CCT4: variants seen among roughly 807,000 people sequenced by gnomAD.
CCT4 encodes the protein T-complex protein 1 subunit delta.
CCT4 carries 17 observed loss-of-function variants against 62.5 expected under a neutral mutation model. The ratio of observed to expected loss-of-function variants is 0.27; its 90% CI spans 0.19 to 0.41. The LOEUF (loss-of-function observed/expected upper bound fraction) is 0.41, where lower values mean the gene tolerates loss of function less well. Ranked by LOEUF, CCT4 falls within the 10% of genes least tolerant of loss-of-function variation. The pLI, the probability that CCT4 is intolerant of heterozygous loss-of-function variation, is 1.00. For synonymous variants in CCT4, 250 were observed against 229.9 expected, an observed-to-expected ratio of 1.09 and a Z score of -0.79; for missense variants, 592 against 659.2, an observed-to-expected ratio of 0.90 and a Z score of 1.12.
chr2:61,872,940 A>C (rs764058960), intron 10 of CCT4, 62 bp downstream of exon 10: 4 of 982,880 alleles, frequency 4.1e-6, no homozygotes, highest in Admixed American at 2.0e-5. Flanking sequence ...AAAAGAAAAA[A>C]AACAACCTAA....
chr2:61,884,027 G>A (rs189707591), intron 2 of CCT4, among the ~76,000 whole-genome samples: 9 of 152,088 alleles, frequency 5.9e-5, no homozygotes, highest in African/African-American at 9.6e-5. Flanking sequence ...TATCCAGAGC[G>A]GAGAATAATC....
chr2:61,868,903 G>A, intron 13 of CCT4, 197 bp from the exon 14 acceptor site: 1 of 514,910 alleles, frequency 1.9e-6, no homozygotes, highest in South Asian at 2.1e-5. Context: ...TTGGGAGGCT[G>A]AGGCAGGTGG....
At chr2:61,886,822 C>T (rs1182641999) in intron 1 of CCT4, among the ~76,000 whole-genome samples, 1 of 151,586 alleles carries the variant, frequency 6.6e-6, no homozygotes, top group Non-Finnish European at 1.5e-5. Flanking sequence ...TGCAATGGCG[C>T]GACGTCAGTT....
At chr2:61,880,516 C>G in intron 3 of CCT4, 122 bp from the exon 4 acceptor site, 1 of 657,096 alleles carries the variant, frequency 1.5e-6, no homozygotes, top group Non-Finnish European at 2.7e-6. Context: ...TTCCTGATTT[C>G]TTCTGATTTG....
At chr2:61,880,521 G>T in intron 3 of CCT4, 127 bp from the exon 4 acceptor site, 3 of 646,524 alleles carry the variant, frequency 4.6e-6, no homozygotes, top group Non-Finnish European at 8.1e-6. Context: ...GATTTCTTCT[G>T]ATTTGTTGTC....
At chr2:61,882,590 A>T (rs958325863) in intron 3 of CCT4, among the ~76,000 whole-genome samples, 14 of 151,472 alleles carry the variant, frequency 9.2e-5, no homozygotes, top group African/African-American at 3.4e-4. Flanking sequence ...ATCACAGCTC[A>T]CTACCTCCCC....
rs372193660 is a variant in CCT4, at chr2:61,880,411, T to C, written c.271-17A>G. The C allele has an allele frequency of 2.8e-6, 4 of 1,420,930 alleles. No individual in the cohort carries two copies. The highest frequency in any genetic ancestry group is 3.9e-6 in the Non-Finnish European group (4 of 1,016,282). The allele number at this position is 1,420,930 out of a possible 1,614,324, so 88.0% of individuals were successfully genotyped here. On this transcript the variant is annotated splice_polypyrimidine_tract_variant and intron_variant, in intron 3 of 13. Coordinates refer to ENST00000394440, the MANE Select transcript of CCT4 (RefSeq NM_006430.4). ...CTCCACCAGCTAAGTGAACAGAAAATGCCAAGTTGCTCAATGAGAAATGAC... is the reference window on the plus strand; with the variant it reads ...CTCCACCAGCTAAGTGAACAGAAAACGCCAAGTTGCTCAATGAGAAATGAC...
At position 61,872,207 on chromosome 2, in the gene CCT4, C is replaced by T; in HGVS notation, c.1366G>A (p.Asp456Asn). The change falls in exon 12 of 14, where the codon GAT (aspartate) becomes AAT (asparagine). Residue 456 changes from aspartate (D) to asparagine (N), a missense_variant. Physicochemically the swap from Asp to Asn is conservative, Grantham distance 23. Transcript: ENST00000394440. ...MESYCVRAFA[D>N]AMEVIPSTLA... Reference sequence around the variant, plus strand: ...GTAGATGGAATGACCTCCATAGCATCTGCAAAAGCACGAACGCAGTAGGAT... The same window carrying T: ...GTAGATGGAATGACCTCCATAGCATTTGCAAAAGCACGAACGCAGTAGGAT... The T allele has an allele frequency of 1.2e-6, 2 of 1,613,890 alleles. No individual in the cohort carries two copies. The highest frequency in any genetic ancestry group is 1.7e-6 in the Non-Finnish European group (2 of 1,179,882).
chr2:61,873,302 C>T lies in CCT4; in HGVS notation c.918-9G>A, dbSNP rs765903878. On this transcript the variant is annotated splice_polypyrimidine_tract_variant and intron_variant, in intron 8 of 13. Coordinates refer to ENST00000394440, the MANE Select transcript of CCT4 (RefSeq NM_006430.4). ...GATCACTAAGAGCATCTCTAAAATA[C>T]AAAATCAGTGATTATGTCAATGCTA... 9.6e-6 allele frequency: 14 copies of T among 1,455,838 alleles called. No individual in the cohort carries two copies. The highest frequency in any genetic ancestry group is 1.2e-5 in the Non-Finnish European group (13 of 1,041,106). The allele number at this position is 1,455,838 out of a possible 1,614,324, so 90.2% of individuals were successfully genotyped here.
At chr2:61,886,003 T>G (rs1290072640) in intron 1 of CCT4, 1 of 152,212 alleles carries the variant, frequency 6.6e-6, no homozygotes, top group Non-Finnish European at 1.5e-5. Flanking sequence ...GTATGTAATC[T>G]CTGAGAGCAA....
At chr2:61,869,947 T>C (rs994926433) in intron 12 of CCT4, among the ~76,000 whole-genome samples, 1 of 150,682 alleles carries the variant, frequency 6.6e-6, no homozygotes, top group Non-Finnish European at 1.5e-5. Flanking sequence ...TTTTTAAATA[T>C]TGGCAAAATT....
At chr2:61,876,058 T>C (rs1398948525) in intron 8 of CCT4, 37 bp downstream of exon 8, 6 of 1,429,200 alleles carry the variant, frequency 4.2e-6, no homozygotes, top group Non-Finnish European at 5.8e-6. Flanking sequence ...GATCCAAAAT[T>C]ATCATTAAGG....
At position 61,888,564 on chromosome 2, in the gene CCT4, GC is replaced by G; in HGVS notation, c.-58del. On this transcript the variant is annotated 5_prime_UTR_variant, in exon 1 of 14. Transcript: ENST00000394440. ...GAAGGACGGATGGACCCGGATTCTGGCCGGCCGCAGTGTAATAACGGTAAGC... is the reference window on the plus strand; with the variant it reads ...GAAGGACGGATGGACCCGGATTCTGGCGGCCGCAGTGTAATAACGGTAAGC... 6.3e-7 allele frequency: 1 copy of G among 1,579,452 alleles called. No individual in the cohort carries two copies. The highest frequency in any genetic ancestry group is 1.1e-5 in the South Asian group (1 of 88,214).
At position 61,883,528 on chromosome 2, in the gene CCT4, A is replaced by G. The variant is rs773225345; in HGVS notation, c.201T>C (p.Asp67=). 3.8e-6 allele frequency: 6 copies of G among 1,590,536 alleles called. No individual in the cohort carries two copies. In the South Asian group the frequency reaches 4.6e-5, roughly 12 times the overall value. ...MDKMIQDGKG[D]VTITNDGATI... Reference sequence around the variant, plus strand: ...TAGCACCATCATTTGTAATGGTTACATCACCTTTTCCATCTTGAATCTAGA... The same window carrying G: ...TAGCACCATCATTTGTAATGGTTACGTCACCTTTTCCATCTTGAATCTAGA... Residue 67 remains aspartate (D), a synonymous_variant, in exon 3 of 14, where the codon GAT becomes GAC. Coordinates refer to ENST00000394440, the MANE Select transcript of CCT4 (RefSeq NM_006430.4).
chr2:61,872,908 C>A, intron 10 of CCT4, 94 bp downstream of exon 10: 2 of 781,342 alleles, frequency 2.6e-6, no homozygotes, highest in South Asian at 1.5e-5. Flanking sequence ...ACCTGGGCGA[C>A]AGAGTGAGAC....
intron 1 of CCT4, among the ~76,000 whole-genome samples, chr2:61,886,940 G>A (rs1016220627): frequency 6.6e-6 from 1 of 152,002 alleles, no homozygotes; most frequent in African/African-American, 2.4e-5. Flanking sequence ...TGTATTTTTA[G>A]TAGAGACGGG....
intron 8 of CCT4, among the ~76,000 whole-genome samples, chr2:61,873,764 C>T (rs1668936179): frequency 6.6e-6 from 1 of 152,172 alleles, no homozygotes; most frequent in Admixed American, 6.5e-5. Flanking sequence ...CGGGGTTTCA[C>T]CATGTTGGCC....
intron 3 of CCT4, among the ~76,000 whole-genome samples, chr2:61,882,747 G>C (rs1168161963): frequency 6.6e-6 from 1 of 151,858 alleles, no homozygotes; most frequent in Non-Finnish European, 1.5e-5. Flanking sequence ...CTGAGCTCAA[G>C]CAATCCTCCC....
chr2:61,877,069 A>ACC lies in CCT4; in HGVS notation c.645-18_645-17insGG, dbSNP rs780799500. 1 of 1,609,540 alleles carries ACC rather than the reference A, an allele frequency of 6.2e-7. No homozygotes were observed. Among genetic ancestry groups the ACC allele is most frequent in the South Asian group, 1.1e-5 (1 of 90,552 alleles). The stretch of plus-strand genomic sequence containing the variant: ...ATTGTCCCACTAAGGATAAAAGAAA[A>ACC]CAAAGAGGGGTAGTTAAGAGGGAGT... On this transcript the variant is annotated splice_polypyrimidine_tract_variant and intron_variant, in intron 6 of 13. Coordinates refer to ENST00000394440, the MANE Select transcript of CCT4 (RefSeq NM_006430.4).
Sources: gnomAD v4.1 joint callset for allele counts (sites outside exome capture counted in the v4.1 genomes callset) on GRCh38, gnomAD v4.1.1 for gene constraint, MANE v1.5 for transcripts, NCBI Gene and HGNC (gene_info 2026-07-23, HGNC 2026-07-21) for gene names.